Variants in ARHGAP25 observed in about 807,000 individuals in gnomAD.
ARHGAP25 encodes Rho GTPase activating protein 25, also known as rho GTPase-activating protein 25.
ARHGAP25 carries 34 observed loss-of-function variants against 71.0 expected under a neutral mutation model. The observed-to-expected ratio is 0.48, with a 90% CI of 0.36 to 0.64. The LOEUF is 0.64. Ranked by LOEUF, ARHGAP25 falls within the 30% of genes least tolerant of loss-of-function variation. ARHGAP25 has a pLI of 0.00. For missense variants in ARHGAP25, 706 were observed against 805.1 expected, an observed-to-expected ratio of 0.88 and a Z score of 1.49; for synonymous variants, 282 against 296.5, an observed-to-expected ratio of 0.95 and a Z score of 0.50.
At chr2:68,744,508 ACT>A (rs777252705) in intron 1 of ARHGAP25, among the ~76,000 whole-genome samples, 1 of 152,336 alleles carries the variant, frequency 6.6e-6, no homozygotes, top group Admixed American at 6.5e-5. Context: ...CATTAGAGAC[ACT>A]CTGAGGAAGC....
chr2:68,802,707 A>AAGAG (rs35124579), intron 4 of ARHGAP25, among the ~76,000 whole-genome samples: 2,056 of 148,222 alleles, frequency 0.014, 45 homozygotes, highest in African/African-American at 0.045. Context: ...ATAGAGGAGA[A>AAGAG]AGAGAGAGAG....
intron 7 of ARHGAP25, 59 bp downstream of exon 7, chr2:68,816,421 GTT>G: frequency 1.4e-6 from 2 of 1,403,568 alleles, no homozygotes; most frequent in Non-Finnish European, 2.0e-6. Context: ...GAAGCTCCTA[GTT>G]AGAAGAGGAG....
Position 68,780,843 on chromosome 2 carries a change from T to C in ARHGAP25, c.262-1390T>C, listed in dbSNP as rs796460427. ...ACTCTTTTGCCTTTATAGTGTTCTC[T>C]GCCACCAGTCATCTCCATCGGTACT... On this transcript the variant is annotated intron_variant, in intron 2 of 10. Coordinates refer to ENST00000409202, the MANE Select transcript of ARHGAP25 (RefSeq NM_001007231.3). Among the ~76,000 whole-genome samples, 4 of 152,356 alleles carry C rather than the reference T, an allele frequency of 2.6e-5. No individual in the cohort carries two copies. The South Asian group carries it at 8.3e-4, about 32-fold the overall frequency.
At chr2:68,739,092 C>T (rs1217262622) in intron 1 of ARHGAP25, among the ~76,000 whole-genome samples, 1 of 152,218 alleles carries the variant, frequency 6.6e-6, no homozygotes, top group Admixed American at 6.5e-5. Flanking sequence ...ACCTCTGGGC[C>T]TTCTGCAGCA....
chr2:68,826,448 T>C lies in ARHGAP25; in HGVS notation c.*254T>C, dbSNP rs1682143823. 1.7e-6 allele frequency: 1 copy of C among 576,184 alleles called. No individual in the cohort carries two copies. The highest frequency in any genetic ancestry group is 3.2e-6 in the Non-Finnish European group (1 of 314,214). 35.7% of individuals were successfully genotyped at this position (576,184 alleles called of 1,614,324 possible). ...TTTTATTCCATTCTGGTCTCAGGCA[T>C]GACCACGTCCAGTGAAGACATTTGA... is the stretch of plus-strand genomic sequence containing the variant. On this transcript the variant is annotated 3_prime_UTR_variant, in exon 11 of 11. Transcript: ENST00000409202.
Position 68,767,456 on chromosome 2 carries a change from C to T in ARHGAP25, c.62-7765C>T, listed in dbSNP as rs112848257. On this transcript the variant is annotated intron_variant, in intron 1 of 10. Coordinates refer to ENST00000409202, the MANE Select transcript of ARHGAP25 (RefSeq NM_001007231.3). This position sits in a 1 kb window ranked among gnomAD's most constrained non-coding sequence, Gnocchi z 4.6. ...GGGGCGTTGCGTGTGTGTATGTGTGCGGGGTGTGGGCAGGGACGTATGAAT... is the reference window on the plus strand; with the variant it reads ...GGGGCGTTGCGTGTGTGTATGTGTGTGGGGTGTGGGCAGGGACGTATGAAT... Among the ~76,000 whole-genome samples the T allele has an allele frequency of 0.019, 2,960 of 151,870 alleles. 91 individuals carry two copies. Among genetic ancestry groups the T allele is most frequent in the African/African-American group, 0.066 (2,725 of 41,382 alleles).
intron 5 of ARHGAP25, among the ~76,000 whole-genome samples, chr2:68,811,790 C>T (rs898993962): frequency 1.3e-5 from 2 of 152,178 alleles, no homozygotes; most frequent in East Asian, 3.8e-4. Flanking sequence ...TCCTCTTGTC[C>T]AGATCCACCC....
At position 68,735,076 on chromosome 2, in the gene ARHGAP25, G is replaced by C. The variant is rs1675132707; in HGVS notation, c.-124G>C. 1.2e-6 allele frequency: 1 copy of C among 846,156 alleles called. No homozygotes were observed. Among genetic ancestry groups the C allele is most frequent in the Non-Finnish European group, 2.0e-6 (1 of 494,298 alleles). 52.4% of individuals were successfully genotyped at this position (846,156 alleles called of 1,614,324 possible). A position where few individuals can be genotyped will look rare whatever the true frequency, so the allele number is the denominator to read the frequency against. On this transcript the variant is annotated 5_prime_UTR_variant, in exon 1 of 11. Transcript: ENST00000409202. ...CAGCCTCAAGCCTAAGATTGCTTGT[G>C]AAGCAATCATAAGGAGGAACAAAAA...
chr2:68,758,093 G>A (rs771606423), intron 1 of ARHGAP25, among the ~76,000 whole-genome samples: 9 of 151,962 alleles, frequency 5.9e-5, no homozygotes, highest in African/African-American at 9.7e-5. Flanking sequence ...CCAAAAGAAA[G>A]TAGCTAAATA....
At chr2:68,746,735 G>A (rs1389765622) in intron 1 of ARHGAP25, among the ~76,000 whole-genome samples, 3 of 151,816 alleles carry the variant, frequency 2.0e-5, no homozygotes, top group East Asian at 1.9e-4. Flanking sequence ...GGCCGGGCGC[G>A]GTGGCTCACG....
intron 4 of ARHGAP25, among the ~76,000 whole-genome samples, chr2:68,793,557 T>C (rs941398224): frequency 6.6e-6 from 1 of 152,192 alleles, no homozygotes; most frequent in African/African-American, 2.4e-5. Context: ...TATGTTCTTA[T>C]AGACTTTGTC....
chr2:68,726,475 A>G (rs1178179130), intron 2 of ARHGAP25, among the ~76,000 whole-genome samples: 3 of 152,236 alleles, frequency 2.0e-5, no homozygotes, highest in Non-Finnish European at 4.4e-5. Context: ...TCCCCTGGGA[A>G]CGAATTTCCC....
intron 1 of ARHGAP25, among the ~76,000 whole-genome samples, chr2:68,770,399 G>T (rs1677409200): frequency 6.6e-6 from 1 of 152,124 alleles, no homozygotes; most frequent in African/African-American, 2.4e-5. Flanking sequence ...ACCTGAAATT[G>T]TTTCCCCAGC....
chr2:68,735,833 GA>G (rs1675184994), intron 1 of ARHGAP25, among the ~76,000 whole-genome samples: 1 of 152,170 alleles, frequency 6.6e-6, no homozygotes, highest in Non-Finnish European at 1.5e-5. Context: ...AGATGAGTTG[GA>G]AAAGAGATGT....
At chr2:68,779,521 A>G (rs1678168405) in intron 2 of ARHGAP25, among the ~76,000 whole-genome samples, 1 of 152,218 alleles carries the variant, frequency 6.6e-6, no homozygotes, top group African/African-American at 2.4e-5. Flanking sequence ...CTCATGAGCC[A>G]ATATAAGCAT....
intron 2 of ARHGAP25, among the ~76,000 whole-genome samples, chr2:68,714,710 C>T (rs570288313): frequency 2.0e-4 from 30 of 152,050 alleles, no homozygotes; most frequent in Non-Finnish European, 3.8e-4. Flanking sequence ...TTTCAAATAC[C>T]TTATTTATTT....
chr2:68,766,040 A>G (rs1677103803), intron 1 of ARHGAP25, among the ~76,000 whole-genome samples: 1 of 152,210 alleles, frequency 6.6e-6, no homozygotes, highest in Non-Finnish European at 1.5e-5. Context: ...ATCCATGCTT[A>G]TGCAATACAA....
intron 5 of ARHGAP25, among the ~76,000 whole-genome samples, chr2:68,808,392 G>A (rs953370141): frequency 2.0e-5 from 3 of 152,196 alleles, no homozygotes; most frequent in South Asian, 2.1e-4. Flanking sequence ...GTGTCATCTT[G>A]TGTAGAAGCT....
chr2:68,792,323 A>T (rs1679236636), intron 4 of ARHGAP25, among the ~76,000 whole-genome samples: 1 of 152,224 alleles, frequency 6.6e-6, no homozygotes, highest in African/African-American at 2.4e-5. Flanking sequence ...TAGATTATGT[A>T]GTAGTGGCCA....
Sources: gnomAD v4.1 joint callset for allele counts (sites outside exome capture counted in the v4.1 genomes callset) on GRCh38, gnomAD v4.1.1 for gene constraint, Gnocchi (gnomAD v3.1) non-coding constraint, MANE v1.5 for transcripts, NCBI Gene and HGNC (gene_info 2026-07-23, HGNC 2026-07-21) for gene names.